Variants in RNF17 observed in about 807,000 individuals in gnomAD.
The protein encoded by RNF17 is ring finger protein 17.
A neutral mutation model predicts 200.5 loss-of-function variants in RNF17; 31 were observed. That is an observed-to-expected ratio of 0.15 (90% confidence interval 0.12 to 0.21). The LOEUF is 0.21. RNF17 is among the 10% of genes least tolerant of loss of function. The pLI, the probability that RNF17 is intolerant of heterozygous loss-of-function variation, is 1.00. For missense variants in RNF17, 1,628 were observed against 1,905.1 expected (o/e 0.85, Z 2.71); for synonymous variants, 606 against 637.8 (o/e 0.95, Z 0.75).
intron 22 of RNF17, among the ~76,000 whole-genome samples, chr13:24,845,432 G>C (rs1253023780): frequency 6.6e-6 from 1 of 152,182 alleles, no homozygotes; most frequent in African/African-American, 2.4e-5. Context: ...TGACAGAACA[G>C]TTTTAGTCTA....
At chr13:24,877,241 TGTAA>T (rs1449664816) in intron 34 of RNF17, 55 bp downstream of exon 34, 7 of 1,463,944 alleles carry the variant, frequency 4.8e-6, no homozygotes, top group Non-Finnish European at 6.6e-6. Context: ...GTCGATACTT[TGTAA>T]AGTGTTTGTT....
At chr13:24,822,096 T>C (rs1888129584) in intron 15 of RNF17, among the ~76,000 whole-genome samples, 1 of 152,188 alleles carries the variant, frequency 6.6e-6, no homozygotes, top group African/African-American at 2.4e-5. Context: ...GCCCACAGAT[T>C]GGTTCAGTCA....
intron 18 of RNF17, among the ~76,000 whole-genome samples, chr13:24,841,426 A>T (rs1023628874): frequency 6.6e-6 from 1 of 152,210 alleles, no homozygotes; most frequent in South Asian, 2.1e-4. Context: ...TTAAGAATAC[A>T]ACAAAACACT....
chr13:24,799,618 CT>C, intron 12 of RNF17, 34 bp downstream of exon 12: 1 of 1,365,722 alleles, frequency 7.3e-7, no homozygotes, highest in Non-Finnish European at 1.0e-6. Context: ...CCTTGGCCTG[CT>C]TAGAAACATT....
At chr13:24,803,347 G>C (rs941291915) in intron 14 of RNF17, among the ~76,000 whole-genome samples, 10 of 152,124 alleles carry the variant, frequency 6.6e-5, no homozygotes, top group Non-Finnish European at 1.2e-4. Flanking sequence ...ACCCAGGCTA[G>C]AGTGCAGTAG....
Position 24,764,230 on chromosome 13 carries a change from G to A in RNF17, c.27G>A (p.Gly9=), listed in dbSNP as rs758015950. 28 of 1,604,682 alleles carry A rather than the reference G, an allele frequency of 1.7e-5. No homozygotes were observed. In the East Asian group the frequency reaches 5.8e-4, roughly 33 times the overall value. Residue 9 remains glycine, a synonymous_variant, in exon 1 of 36, where the codon GGG becomes GGA. Transcript: ENST00000255324. The stretch of plus-strand genomic sequence containing the variant: ...TGGCGGCAGAGGCTTCGAAGACTGG[G>A]CCTTCTAGGTCTTCCTACCAGCGAA... MAAEASKT[G]PSRSSYQRMG...
At chr13:24,811,959 T>C (rs966242857) in intron 15 of RNF17, among the ~76,000 whole-genome samples, 464 of 151,934 alleles carry the variant, frequency 3.1e-3, no homozygotes, top group Middle Eastern at 0.01. Flanking sequence ...TGCTCGGGGG[T>C]CAGGGGTCAG....
At chr13:24,836,828 G>C (rs1194573309) in intron 18 of RNF17, among the ~76,000 whole-genome samples, 1 of 134,268 alleles carries the variant, frequency 7.4e-6, no homozygotes, top group African/African-American at 2.7e-5. Context: ...CAAAACCAAA[G>C]TGCACAGGCA....
downstream of RNF17, chr13:24,884,380 G>C (rs771271225): frequency 2.5e-6 from 4 of 1,614,050 alleles, no homozygotes; most frequent in South Asian, 1.1e-5. Context: ...TGACAGTGAT[G>C]GTCTTCCCAT....
At chr13:24,864,210 G>T (rs186317055) in intron 28 of RNF17, among the ~76,000 whole-genome samples, 4 of 152,214 alleles carry the variant, frequency 2.6e-5, no homozygotes, top group Non-Finnish European at 5.9e-5. Context: ...GCTGAGGCAG[G>T]AGCAGGGCTA....
chr13:24,768,850 AG>A (rs1306706791), intron 2 of RNF17, among the ~76,000 whole-genome samples: 2 of 152,198 alleles, frequency 1.3e-5, no homozygotes, highest in Non-Finnish European at 2.9e-5. Context: ...TTCATTATTT[AG>A]GTTTGAATGA....
At position 24,828,743 on chromosome 13, in the gene RNF17, T is replaced by C. The variant is rs188943126; in HGVS notation, c.2246-1741T>C. Among the ~76,000 whole-genome samples the C allele has an allele frequency of 7.9e-5, 12 of 152,296 alleles. No individual in the cohort carries two copies. The East Asian group carries it at 2.3e-3, about 29-fold the overall frequency. On this transcript the variant is annotated intron_variant, in intron 16 of 35. Transcript: ENST00000255324. ...TTTATTTTCTTTTAATTTGTGAGTGTATTTTTAATAGTTCAAAACCATTTT... is the reference window on the plus strand; with the variant it reads ...TTTATTTTCTTTTAATTTGTGAGTGCATTTTTAATAGTTCAAAACCATTTT...
At chr13:24,855,851 G>A (rs2069338093) in intron 25 of RNF17, among the ~76,000 whole-genome samples, 1 of 152,088 alleles carries the variant, frequency 6.6e-6, no homozygotes, top group Non-Finnish European at 1.5e-5. Flanking sequence ...TTCTTATGGC[G>A]TAAACATCAT....
chr13:24,887,252 A>G, the RNF17 span, among the ~76,000 whole-genome samples: 22 of 152,330 alleles, frequency 1.4e-4, no homozygotes, highest in Middle Eastern at 6.8e-3. Context: ...ACTGATTTGC[A>G]ATTTATGTAG....
the RNF17 span, chr13:24,886,511 G>A: frequency 2.1e-6 from 1 of 484,874 alleles, no homozygotes; most frequent in African/African-American, 2.0e-5. Context: ...ACATCAGAGG[G>A]ATCAGTCTAG....
chr13:24,800,897 T>G (rs147376147), intron 13 of RNF17, among the ~76,000 whole-genome samples: 1 of 152,332 alleles, frequency 6.6e-6, no homozygotes, highest in East Asian at 1.9e-4. Flanking sequence ...CATATTGCAT[T>G]CTGCGTTTTG....
chr13:24,847,560 G>A (rs543294678), intron 22 of RNF17, among the ~76,000 whole-genome samples: 4 of 152,190 alleles, frequency 2.6e-5, no homozygotes, highest in East Asian at 1.9e-4. Flanking sequence ...TGGCTAGGCT[G>A]GTCTCAAATT....
chr13:24,836,379 G>A lies in RNF17; in HGVS notation c.2482+4401G>A, dbSNP rs530812851. Among the ~76,000 whole-genome samples, 3 of 152,220 alleles carry A rather than the reference G, an allele frequency of 2.0e-5. No homozygotes were observed. In the East Asian group the frequency reaches 5.8e-4, roughly 29 times the overall value. ...ACAAAGAAGACCTGGGAAATTCATC[G>A]CAAAAAGATCTTTGCCCAGACACAT... On this transcript the variant is annotated intron_variant, in intron 18 of 35. Transcript: ENST00000255324.
At chr13:24,872,403 G>A (rs7326392) in intron 32 of RNF17, among the ~76,000 whole-genome samples, 63,102 of 152,010 alleles carry the variant, frequency 0.42, 13,150 homozygotes, top group Admixed American at 0.45. Context: ...GAAAGCATAT[G>A]ACATAAGGAA....
Sources: allele counts gnomAD v4.1 joint callset (sites outside exome capture counted in the v4.1 genomes callset), GRCh38; gene constraint gnomAD v4.1.1; transcripts MANE v1.5; gene names NCBI Gene and HGNC (gene_info 2026-07-23, HGNC 2026-07-21).